The following PRIMA1 variants were observed in gnomAD, a reference collection of about 807,000 sequenced individuals.
PRIMA1 encodes proline-rich membrane anchor 1.
PRIMA1 carries 7 observed loss-of-function variants against 17.5 expected under a neutral mutation model. The ratio of observed to expected loss-of-function variants is 0.40; its 90% confidence interval spans 0.23 to 0.75. The LOEUF is 0.75. PRIMA1 is among the 30% of genes least tolerant of loss of function. The pLI is 0.37. For synonymous variants in PRIMA1, 97 were observed against 77.9 expected (o/e 1.25, Z -1.29); for missense variants, 200 against 201.8 (o/e 0.99, Z 0.05).
intron 3 of PRIMA1, among the ~76,000 whole-genome samples, chr14:93,776,987 C>A (rs913802843): frequency 6.6e-6 from 1 of 152,124 alleles, no homozygotes; most frequent in Non-Finnish European, 1.5e-5. Context: ...GCAAGTGGAA[C>A]TAGTTTCTCA....
At chr14:93,762,416 C>G (rs2141180777) in intron 3 of PRIMA1, among the ~76,000 whole-genome samples, 1 of 152,108 alleles carries the variant, frequency 6.6e-6, no homozygotes. Context: ...GCACAGCCCC[C>G]CACCCCCCAA....
intron 3 of PRIMA1, among the ~76,000 whole-genome samples, chr14:93,756,531 C>T (rs961941927): frequency 7.2e-5 from 11 of 152,134 alleles, no homozygotes; most frequent in South Asian, 2.1e-4. Flanking sequence ...CTCCTGGCCC[C>T]GGACCCCGAC....
intron 3 of PRIMA1, among the ~76,000 whole-genome samples, chr14:93,747,490 A>G (rs1182751984): frequency 6.6e-6 from 1 of 152,158 alleles, no homozygotes; most frequent in African/African-American, 2.4e-5. Context: ...TCGTGGAGCC[A>G]TATCTGGGGG....
At chr14:93,772,564 C>T (rs1043113442) in intron 3 of PRIMA1, among the ~76,000 whole-genome samples, 17 of 152,248 alleles carry the variant, frequency 1.1e-4, no homozygotes, top group African/African-American at 3.9e-4. Context: ...GTCCTGGGCT[C>T]TGGTGGCTGC....
intron 3 of PRIMA1, among the ~76,000 whole-genome samples, chr14:93,761,797 A>T (rs1489541566): frequency 6.6e-6 from 1 of 152,164 alleles, no homozygotes; most frequent in East Asian, 1.9e-4. Context: ...GGACCTCATG[A>T]CCACCTGCAG....
intron 3 of PRIMA1, among the ~76,000 whole-genome samples, chr14:93,755,820 C>T (rs988721239): frequency 6.6e-6 from 1 of 152,124 alleles, no homozygotes; most frequent in African/African-American, 2.4e-5. Flanking sequence ...TCCCACCCCC[C>T]AGAGCCAACC....
intron 3 of PRIMA1, among the ~76,000 whole-genome samples, chr14:93,768,939 G>A (rs912552599): frequency 1.3e-5 from 2 of 150,642 alleles, no homozygotes; most frequent in African/African-American, 4.9e-5. Flanking sequence ...CCGAGTAGCT[G>A]AGATTACAGG....
chr14:93,727,140 C>T (rs1176430037), intron 4 of PRIMA1, among the ~76,000 whole-genome samples: 1 of 152,172 alleles, frequency 6.6e-6, no homozygotes, highest in Non-Finnish European at 1.5e-5. Context: ...TCCTCACAGC[C>T]AGTGGGACCC....
At position 93,721,415 on chromosome 14, in the gene PRIMA1, T is replaced by C. The variant is rs776735611; in HGVS notation, c.*29A>G. On this transcript the variant is annotated 3_prime_UTR_variant, in exon 5 of 5. Transcript: ENST00000393140. ...TCCACCAGTGCCACCAAGGTGTCCC[T>C]CTGGCCAGCGGGTCCAGGGCCTGCA... The C allele has an allele frequency of 6.1e-6, 9 of 1,486,134 alleles. 1 individual carries two copies. In the South Asian group the frequency reaches 6.8e-5, roughly 11 times the overall value. 92.1% of individuals were successfully genotyped at this position (1,486,134 alleles called of 1,614,324 possible).
chr14:93,757,942 C>A (rs925355256), intron 3 of PRIMA1, among the ~76,000 whole-genome samples: 9 of 152,104 alleles, frequency 5.9e-5, no homozygotes, highest in Non-Finnish European at 1.2e-4. Context: ...GTTCCCTTCG[C>A]GGGGAGCCGA....
At chr14:93,788,951 AGAGGCAGCGGCGGGAG>A (rs1885614433), upstream of PRIMA1, among the ~76,000 whole-genome samples, 1 of 152,004 alleles carries the variant, frequency 6.6e-6, no homozygotes, top group South Asian at 2.1e-4. Flanking sequence ...CTGGCCCGCG[AGAGGCAGCGGCGGGAG>A]GCGCCGGCAG....
chr14:93,729,347 G>C (rs1348855823), intron 4 of PRIMA1, among the ~76,000 whole-genome samples: 4 of 152,246 alleles, frequency 2.6e-5, no homozygotes, highest in Admixed American at 1.3e-4. Flanking sequence ...GGGCAGTGGG[G>C]AGGAGGGAGT....
intron 3 of PRIMA1, among the ~76,000 whole-genome samples, chr14:93,739,831 C>T (rs750439832): frequency 3.3e-5 from 5 of 151,956 alleles, no homozygotes; most frequent in African/African-American, 7.3e-5. Context: ...TTTGGGAGGC[C>T]GAGGAAGGTG....
intron 3 of PRIMA1, among the ~76,000 whole-genome samples, chr14:93,762,543 G>A (rs970724160): frequency 1.3e-5 from 2 of 151,904 alleles, no homozygotes; most frequent in African/African-American, 2.4e-5. Flanking sequence ...GCTCCCATCC[G>A]GAACCCAACC....
At chr14:93,777,627 T>C (rs1020696654) in intron 3 of PRIMA1, among the ~76,000 whole-genome samples, 7 of 152,366 alleles carry the variant, frequency 4.6e-5, no homozygotes, top group African/African-American at 1.4e-4. Context: ...TGAGCCACTG[T>C]GCCCGACCAA....
chr14:93,732,202 C>T (rs564955108), intron 4 of PRIMA1, among the ~76,000 whole-genome samples: 3 of 152,202 alleles, frequency 2.0e-5, no homozygotes, highest in Non-Finnish European at 4.4e-5. Flanking sequence ...GGCGTGTCTC[C>T]GTGCAGGGGG....
At chr14:93,746,051 C>T (rs1200269709) in intron 3 of PRIMA1, among the ~76,000 whole-genome samples, 1 of 152,132 alleles carries the variant, frequency 6.6e-6, no homozygotes, top group Non-Finnish European at 1.5e-5. Flanking sequence ...CCCCACCCTC[C>T]AGAGGGCCTA....
chr14:93,760,785 G>T (rs551590245), intron 3 of PRIMA1, among the ~76,000 whole-genome samples: 1 of 152,128 alleles, frequency 6.6e-6, no homozygotes, highest in East Asian at 1.9e-4. Flanking sequence ...GCAAACACTT[G>T]TTGGCCTCAC....
At chr14:93,788,020 C>T (rs1400351468) in intron 1 of PRIMA1, among the ~76,000 whole-genome samples, 1 of 152,164 alleles carries the variant, frequency 6.6e-6, no homozygotes, top group Non-Finnish European at 1.5e-5. Flanking sequence ...ATACCTTGGC[C>T]CCATGGACAC....
Sources: allele counts gnomAD v4.1 joint callset (sites outside exome capture counted in the v4.1 genomes callset), GRCh38; gene constraint gnomAD v4.1.1; transcripts MANE v1.5; gene names NCBI Gene and HGNC (gene_info 2026-07-23, HGNC 2026-07-21).